The following NKAIN2 variants were observed in gnomAD, a reference collection of about 807,000 sequenced individuals.
The protein encoded by NKAIN2 is sodium/potassium-transporting ATPase subunit beta-1-interacting protein 2.
Under a neutral mutation model 32.6 loss-of-function variants are expected in NKAIN2, and 14 were observed. That is an observed-to-expected ratio of 0.43 (90% CI 0.28 to 0.67). The LOEUF (loss-of-function observed/expected upper bound fraction) is 0.67, where lower values mean the gene tolerates loss of function less well. NKAIN2 is among the 30% of genes least tolerant of loss of function. NKAIN2 has a pLI of 0.17. For missense variants in NKAIN2, 198 were observed against 258.3 expected, an observed-to-expected ratio of 0.77 and a Z score of 1.60; for synonymous variants, 80 against 87.2, an observed-to-expected ratio of 0.92 and a Z score of 0.46.
chr6:124,386,474 C>T (rs1417761646), intron 3 of NKAIN2, among the ~76,000 whole-genome samples: 3 of 152,250 alleles, frequency 2.0e-5, no homozygotes, highest in South Asian at 4.1e-4. Context: ...ACTGCTAAAG[C>T]TAAAGTTCAT....
intron 1 of NKAIN2, among the ~76,000 whole-genome samples, chr6:124,267,475 T>C (rs1454257995): frequency 8.0e-6 from 1 of 124,738 alleles, no homozygotes; most frequent in African/African-American, 3.4e-5. Flanking sequence ...GGCAAAACCA[T>C]GTCTCTAAAA....
intron 3 of NKAIN2, among the ~76,000 whole-genome samples, chr6:124,538,259 C>T (rs1487187561): frequency 6.6e-6 from 1 of 151,628 alleles, no homozygotes; most frequent in Non-Finnish European, 1.5e-5. Flanking sequence ...TGGTAAGTAT[C>T]TGTAGGGAAG....
intron 1 of NKAIN2, among the ~76,000 whole-genome samples, chr6:124,234,878 ACTT>A (rs1292583462): frequency 6.6e-6 from 1 of 152,158 alleles, no homozygotes; most frequent in Admixed American, 6.6e-5. Flanking sequence ...GTATTTTTAT[ACTT>A]CTTCTAAGCT....
chr6:123,821,824 C>T (rs1347075816), intron 1 of NKAIN2, among the ~76,000 whole-genome samples: 5 of 152,080 alleles, frequency 3.3e-5, no homozygotes. Context: ...ATTTTAGAAT[C>T]TAAGAAGATG....
chr6:124,160,587 T>G (rs1788222577), intron 1 of NKAIN2, among the ~76,000 whole-genome samples: 1 of 152,102 alleles, frequency 6.6e-6, no homozygotes, highest in Non-Finnish European at 1.5e-5. Flanking sequence ...TGATCTAAAT[T>G]TAATTAAGTA....
rs527475774 is a variant in NKAIN2, at chr6:124,127,896, G to A, written c.55-155109G>A. On this transcript the variant is annotated intron_variant, in intron 1 of 6. Coordinates refer to ENST00000368417, the MANE Select transcript of NKAIN2 (RefSeq NM_001040214.3). ...AGGCTGGAGTGCAGTGCGCGATCTT[G>A]GCTCACTGCACCCTCCGTCTTCTTA... is the stretch of plus-strand genomic sequence containing the variant. Among the ~76,000 whole-genome samples the A allele has an allele frequency of 1.1e-4, 16 of 152,144 alleles. No individual in the cohort carries two copies. In the East Asian group the frequency reaches 3.1e-3, roughly 29 times the overall value.
chr6:124,724,406 T>G (rs767940054), intron 4 of NKAIN2, among the ~76,000 whole-genome samples: 1 of 152,202 alleles, frequency 6.6e-6, no homozygotes, highest in Non-Finnish European at 1.5e-5. Context: ...AGAATATATC[T>G]CTTATTCACC....
intron 1 of NKAIN2, among the ~76,000 whole-genome samples, chr6:123,858,910 T>G (rs924420575): frequency 6.6e-6 from 1 of 152,078 alleles, no homozygotes; most frequent in Non-Finnish European, 1.5e-5. Flanking sequence ...GTGAACTCAT[T>G]TTTTTTAGTC....
intron 1 of NKAIN2, among the ~76,000 whole-genome samples, chr6:124,244,095 T>A (rs1793260573): frequency 6.8e-6 from 1 of 147,360 alleles, no homozygotes; most frequent in Admixed American, 7.7e-5. Flanking sequence ...AATTAGTTCT[T>A]TTTTTTTATT....
intron 4 of NKAIN2, among the ~76,000 whole-genome samples, chr6:124,681,840 G>T (rs1773637565): frequency 6.6e-6 from 1 of 151,998 alleles, no homozygotes; most frequent in South Asian, 2.1e-4. Flanking sequence ...CTATAAACAG[G>T]TGGGAAACCA....
At chr6:124,731,027 G>A (rs572161484) in intron 4 of NKAIN2, among the ~76,000 whole-genome samples, 3 of 145,100 alleles carry the variant, frequency 2.1e-5, no homozygotes, top group African/African-American at 7.7e-5. Context: ...TCTCACACCA[G>A]GTAGAATGGC....
intron 1 of NKAIN2, among the ~76,000 whole-genome samples, chr6:124,035,751 C>CTTTGAAA (rs1309875781): frequency 6.6e-6 from 1 of 152,060 alleles, no homozygotes; most frequent in Non-Finnish European, 1.5e-5. Flanking sequence ...CAAACCCTGC[C>CTTTGAAA]GTGTTTCAAA....
intron 1 of NKAIN2, among the ~76,000 whole-genome samples, chr6:124,206,216 CA>C (rs1292944680): frequency 6.6e-6 from 1 of 151,800 alleles, no homozygotes; most frequent in African/African-American, 2.4e-5. Context: ...AAGAATTAAC[CA>C]CGTGTTGTGC....
intron 1 of NKAIN2, among the ~76,000 whole-genome samples, chr6:124,220,587 T>A (rs1282235003): frequency 6.6e-6 from 1 of 151,532 alleles, no homozygotes; most frequent in East Asian, 1.9e-4. Context: ...ATTTTTTTCT[T>A]AGAAGAAATT....
chr6:124,213,125 T>G (rs1300354159), intron 1 of NKAIN2, among the ~76,000 whole-genome samples: 1 of 152,176 alleles, frequency 6.6e-6, no homozygotes, highest in Non-Finnish European at 1.5e-5. Context: ...AGATGTTTAG[T>G]GATCCCCCCA....
chr6:124,448,107 C>T (rs143961879), intron 3 of NKAIN2, among the ~76,000 whole-genome samples: 4,530 of 152,084 alleles, frequency 0.03, 117 homozygotes, highest in Non-Finnish European at 0.049. Context: ...AACTAAATGG[C>T]GCTATGCATA....
At chr6:124,550,808 C>T (rs1182527921) in intron 3 of NKAIN2, among the ~76,000 whole-genome samples, 1 of 152,108 alleles carries the variant, frequency 6.6e-6, no homozygotes, top group African/African-American at 2.4e-5. Context: ...GAGAACATGG[C>T]TCAGATTCAA....
chr6:124,052,523 C>G (rs920355732), intron 1 of NKAIN2, among the ~76,000 whole-genome samples: 1 of 152,006 alleles, frequency 6.6e-6, no homozygotes, highest in Non-Finnish European at 1.5e-5. Flanking sequence ...CTCAATACTA[C>G]TCTGTTGTTG....
chr6:124,032,259 C>T (rs939348743), intron 1 of NKAIN2, among the ~76,000 whole-genome samples: 6 of 93,152 alleles, frequency 6.4e-5, no homozygotes, highest in South Asian at 3.6e-4. Context: ...TGGGGTCTGT[C>T]GTGGGGTGGG....
Sources: gnomAD v4.1 joint callset for allele counts (sites outside exome capture counted in the v4.1 genomes callset) on GRCh38, gnomAD v4.1.1 for gene constraint, MANE v1.5 for transcripts, NCBI Gene and HGNC (gene_info 2026-07-23, HGNC 2026-07-21) for gene names.